VWC2L: variants seen among roughly 807,000 people sequenced by gnomAD.
VWC2L encodes von Willebrand factor C domain-containing protein 2-like.
VWC2L carries 10 observed loss-of-function variants against 21.6 expected under a neutral mutation model. The observed-to-expected ratio is 0.46, with a 90% CI of 0.29 to 0.78. The LOEUF is 0.78. VWC2L is among the 30% of genes least tolerant of loss of function. VWC2L has a pLI of 0.10. For missense variants in VWC2L, 209 were observed against 277.1 expected, an observed-to-expected ratio of 0.75 and a Z score of 1.74; for synonymous variants, 96 against 94.3, an observed-to-expected ratio of 1.02 and a Z score of -0.10.
intron 3 of VWC2L, among the ~76,000 whole-genome samples, chr2:214,438,386 T>C (rs1197109780): frequency 6.6e-6 from 1 of 152,038 alleles, no homozygotes; most frequent in Non-Finnish European, 1.5e-5. Context: ...GACTGAAGAC[T>C]GCACTTTTTT....
At chr2:214,451,175 G>A (rs1308505440) in intron 3 of VWC2L, among the ~76,000 whole-genome samples, 4 of 151,922 alleles carry the variant, frequency 2.6e-5, no homozygotes, top group South Asian at 2.1e-4. Flanking sequence ...ACTGGGACCC[G>A]CATTCTATGT....
chr2:214,527,108 G>A (rs1312617570), intron 3 of VWC2L, among the ~76,000 whole-genome samples: 2 of 152,134 alleles, frequency 1.3e-5, no homozygotes, highest in African/African-American at 4.8e-5. Context: ...CAACATGAAT[G>A]CAGCGAAGGC....
intron 2 of VWC2L, among the ~76,000 whole-genome samples, chr2:214,424,561 T>C (rs7558283): frequency 0.55 from 83,335 of 151,980 alleles, 24,330 homozygotes; most frequent in African/African-American, 0.76. Context: ...GCATGCACCA[T>C]GTGATTTATA....
Position 214,565,837 on chromosome 2 carries a change from C to T in VWC2L, c.521-9835C>T, listed in dbSNP as rs74945442. On this transcript the variant is annotated intron_variant, in intron 3 of 3. Transcript: ENST00000312504. ...CAAAAAGGAAGGAAACTGTAAAGTA[C>T]GTTCTCTTATCACTTTATTATTATT... is the stretch of plus-strand genomic sequence containing the variant. Among the ~76,000 whole-genome samples, 839 of 152,192 alleles carry T rather than the reference C, an allele frequency of 5.5e-3. 4 individuals carry two copies. The highest frequency in any genetic ancestry group is 0.017 in the Middle Eastern group (5 of 294).
chr2:214,470,837 A>G (rs539659350), intron 3 of VWC2L, among the ~76,000 whole-genome samples: 53 of 142,796 alleles, frequency 3.7e-4, no homozygotes, highest in Non-Finnish European at 7.5e-4. Context: ...GAATCGCTTG[A>G]ACTTGGGAGG....
At chr2:214,511,919 TAC>T (rs67983945) in intron 3 of VWC2L, among the ~76,000 whole-genome samples, 30,176 of 145,204 alleles carry the variant, frequency 0.21, 3,659 homozygotes, top group Admixed American at 0.33. Flanking sequence ...TATATACATA[TAC>T]ACACACACAC....
chr2:214,446,715 C>G (rs1252942089), intron 3 of VWC2L, among the ~76,000 whole-genome samples: 4 of 151,982 alleles, frequency 2.6e-5, no homozygotes, highest in Non-Finnish European at 5.9e-5. Context: ...GAGTCCAGTC[C>G]CCCCACAAAA....
chr2:214,452,761 G>T (rs1702994703), intron 3 of VWC2L, among the ~76,000 whole-genome samples: 1 of 152,038 alleles, frequency 6.6e-6, no homozygotes, highest in African/African-American at 2.4e-5. Context: ...TACCAGTCTT[G>T]TTTAATTTTA....
chr2:214,534,785 G>T (rs1689500420), intron 3 of VWC2L, among the ~76,000 whole-genome samples: 2 of 152,106 alleles, frequency 1.3e-5, no homozygotes, highest in Non-Finnish European at 2.9e-5. Context: ...CTCCAGTTCT[G>T]AAAGTCTGTG....
intron 3 of VWC2L, among the ~76,000 whole-genome samples, chr2:214,453,758 T>C (rs1302338124): frequency 6.6e-6 from 1 of 151,004 alleles, no homozygotes; most frequent in Non-Finnish European, 1.5e-5. Flanking sequence ...TCTCGCTCTG[T>C]TGCCCAGGCT....
chr2:214,482,550 C>T (rs1365423960), intron 3 of VWC2L, among the ~76,000 whole-genome samples: 1 of 150,120 alleles, frequency 6.7e-6, no homozygotes, highest in Non-Finnish European at 1.5e-5. Flanking sequence ...CACACACACA[C>T]ACATATATAT....
chr2:214,566,268 C>T (rs1021360141), intron 3 of VWC2L, among the ~76,000 whole-genome samples: 4 of 152,130 alleles, frequency 2.6e-5, no homozygotes, highest in African/African-American at 9.7e-5. Flanking sequence ...ACGTAGGACC[C>T]GAACTATGCC....
At chr2:214,566,947 C>G (rs1270472521) in intron 3 of VWC2L, among the ~76,000 whole-genome samples, 1 of 152,152 alleles carries the variant, frequency 6.6e-6, no homozygotes, top group Non-Finnish European at 1.5e-5. Context: ...AGGGCATAAT[C>G]CAACTCAATT....
At chr2:214,477,728 T>C (rs146709200) in intron 3 of VWC2L, among the ~76,000 whole-genome samples, 1 of 152,394 alleles carries the variant, frequency 6.6e-6, no homozygotes, top group African/African-American at 2.4e-5. Flanking sequence ...AGTCAGGCTC[T>C]TAATTCCTGT....
At chr2:214,566,406 C>T (rs1690062790) in intron 3 of VWC2L, among the ~76,000 whole-genome samples, 1 of 152,122 alleles carries the variant, frequency 6.6e-6, no homozygotes, top group South Asian at 2.1e-4. Context: ...AATTGGAACA[C>T]CAGGCTATAA....
chr2:214,441,967 A>G (rs1702768322), intron 3 of VWC2L, among the ~76,000 whole-genome samples: 1 of 150,760 alleles, frequency 6.6e-6, no homozygotes, highest in African/African-American at 2.4e-5. Flanking sequence ...GCTGGAGTGC[A>G]GTGGCACAAT....
At chr2:214,521,268 TAAATAAATAAAA>T (rs1366124742) in intron 3 of VWC2L, among the ~76,000 whole-genome samples, 21 of 128,986 alleles carry the variant, frequency 1.6e-4, no homozygotes, top group East Asian at 1.1e-3. Flanking sequence ...AATAAATAAA[TAAATAAATAAAA>T]CTACCAAGTT....
intron 3 of VWC2L, among the ~76,000 whole-genome samples, chr2:214,547,440 C>A (rs1689726558): frequency 6.6e-6 from 1 of 152,142 alleles, no homozygotes; most frequent in Non-Finnish European, 1.5e-5. Context: ...TTTACTAGGG[C>A]TGAAAGGGTA....
At chr2:214,551,266 A>G (rs1689790068) in intron 3 of VWC2L, among the ~76,000 whole-genome samples, 3 of 152,220 alleles carry the variant, frequency 2.0e-5, no homozygotes, top group Non-Finnish European at 4.4e-5. Context: ...AAGGACATTC[A>G]AGATAGGAAA....
Sources: gnomAD v4.1 joint callset for allele counts (sites outside exome capture counted in the v4.1 genomes callset) on GRCh38, gnomAD v4.1.1 for gene constraint, MANE v1.5 for transcripts, NCBI Gene and HGNC (gene_info 2026-07-23, HGNC 2026-07-21) for gene names.